Variants in RSBN1 observed in about 807,000 individuals in gnomAD.
The protein encoded by RSBN1 is lysine-specific demethylase 9.
RSBN1 carries 23 observed loss-of-function variants against 74.8 expected under a neutral mutation model. That is an observed-to-expected ratio of 0.31 (90% confidence interval 0.22 to 0.44). The LOEUF is 0.44. Among genes scored for constraint, RSBN1 ranks in the 20% least tolerant of loss-of-function variants. RSBN1 has a pLI of 1.00. For synonymous variants in RSBN1, 407 were observed against 379.6 expected, an observed-to-expected ratio of 1.07 and a Z score of -0.84; for missense variants, 808 against 1,020.9, an observed-to-expected ratio of 0.79 and a Z score of 2.84.
At chr1:113,771,485 T>C (rs1246371600) in intron 4 of RSBN1, among the ~76,000 whole-genome samples, 1 of 149,576 alleles carries the variant, frequency 6.7e-6, no homozygotes, top group Non-Finnish European at 1.5e-5. Flanking sequence ...GAACACAGAG[T>C]TCCAAAAGAT....
chr1:113,767,215 T>C lies in RSBN1; in HGVS notation c.1827-8A>G, dbSNP rs374409363. Reference sequence around the variant, plus strand: ...ATGCGAGGTTGGTCACTCCTAAGATTAACAAAATTAAGTTTCAGAGACAAA... The same window carrying C: ...ATGCGAGGTTGGTCACTCCTAAGATCAACAAAATTAAGTTTCAGAGACAAA... On this transcript the variant is annotated splice_polypyrimidine_tract_variant and splice_region_variant and intron_variant, in intron 5 of 6. Coordinates refer to ENST00000261441, the MANE Select transcript of RSBN1 (RefSeq NM_018364.5). The C allele has an allele frequency of 2.0e-6, 3 of 1,503,384 alleles. No homozygotes were observed. Among genetic ancestry groups the C allele is most frequent in the African/African-American group, 2.8e-5 (2 of 71,496 alleles). The allele number at this position is 1,503,384 out of a possible 1,614,324, so 93.1% of individuals were successfully genotyped here. A position where few individuals can be genotyped will look rare whatever the true frequency, so the allele number is the denominator to read the frequency against.
intron 2 of RSBN1, among the ~76,000 whole-genome samples, chr1:113,792,987 T>C (rs753805661): frequency 2.6e-5 from 4 of 152,202 alleles, no homozygotes; most frequent in Admixed American, 6.5e-5. Context: ...TCTAGAATGT[T>C]AAAAGAAAAC....
intron 2 of RSBN1, among the ~76,000 whole-genome samples, chr1:113,791,623 T>C (rs1660365337): frequency 6.6e-6 from 1 of 152,150 alleles, no homozygotes; most frequent in Admixed American, 6.5e-5. Flanking sequence ...TTCCTAACCT[T>C]GTGCCTTGTG....
intron 1 of RSBN1, among the ~76,000 whole-genome samples, chr1:113,807,773 T>TTA (rs550872269): frequency 0.033 from 4,464 of 133,854 alleles, 89 homozygotes; most frequent in African/African-American, 0.067. Context: ...AAAAAAAAAA[T>TTA]TATATATATA....
chr1:113,809,108 T>C (rs548417259), intron 1 of RSBN1, among the ~76,000 whole-genome samples: 20 of 151,858 alleles, frequency 1.3e-4, no homozygotes, highest in African/African-American at 4.3e-4. Context: ...AGGAAGGACA[T>C]AGCTTTGTAA....
intron 1 of RSBN1, among the ~76,000 whole-genome samples, chr1:113,810,938 G>A (rs1433709504): frequency 6.6e-6 from 1 of 152,104 alleles, no homozygotes; most frequent in Non-Finnish European, 1.5e-5. Flanking sequence ...CATTTAATTG[G>A]ATACTCTGAC....
chr1:113,787,933 T>C (rs1409441124), intron 2 of RSBN1, among the ~76,000 whole-genome samples: 1 of 152,182 alleles, frequency 6.6e-6, no homozygotes, highest in African/African-American at 2.4e-5. Flanking sequence ...ATCACCATGT[T>C]TGATGAAAAC....
chr1:113,785,603 A>C (rs948248964), intron 2 of RSBN1, among the ~76,000 whole-genome samples: 2 of 152,222 alleles, frequency 1.3e-5, no homozygotes, highest in East Asian at 3.8e-4. Flanking sequence ...CAGTCTAGTA[A>C]GGAGAGGCAG....
chr1:113,796,354 T>C (rs143072922), intron 2 of RSBN1: 1 of 152,224 alleles, frequency 6.6e-6, no homozygotes, highest in Non-Finnish European at 1.5e-5. Context: ...AAATCTAAAC[T>C]GGATACTCCC....
At chr1:113,771,836 GTAATCAGAAACTGCAGGA>G (rs1243845687) in intron 4 of RSBN1, among the ~76,000 whole-genome samples, 1 of 149,128 alleles carries the variant, frequency 6.7e-6, no homozygotes, top group African/African-American at 2.4e-5. Context: ...AAAAAGGAGG[GTAATCAGAAACTGCAGGA>G]AAAACAGAAC....
chr1:113,804,482 G>GCAC (rs1275563871), intron 1 of RSBN1, among the ~76,000 whole-genome samples: 2 of 151,990 alleles, frequency 1.3e-5, no homozygotes, highest in African/African-American at 4.8e-5. Context: ...CTAACATACT[G>GCAC]CACCCTACAC....
chr1:113,799,516 AG>A (rs1660538021), intron 1 of RSBN1, among the ~76,000 whole-genome samples: 1 of 152,006 alleles, frequency 6.6e-6, no homozygotes, highest in East Asian at 1.9e-4. Context: ...CCCAGAAAGA[AG>A]AAAAGGACCT....
intron 1 of RSBN1, among the ~76,000 whole-genome samples, chr1:113,808,168 T>C (rs181834506): frequency 4.0e-4 from 61 of 152,262 alleles, no homozygotes; most frequent in Non-Finnish European, 7.5e-4. Flanking sequence ...CCATGGAGGA[T>C]TGGTTCCAGA....
At chr1:113,791,170 G>A (rs1660356885) in intron 2 of RSBN1, among the ~76,000 whole-genome samples, 1 of 152,128 alleles carries the variant, frequency 6.6e-6, no homozygotes, top group Non-Finnish European at 1.5e-5. Flanking sequence ...ACAGTCTTTG[G>A]TAAAATCAGA....
intron 1 of RSBN1, among the ~76,000 whole-genome samples, chr1:113,801,276 C>T (rs1660579738): frequency 6.6e-6 from 1 of 152,172 alleles, no homozygotes; most frequent in Non-Finnish European, 1.5e-5. Context: ...AGCCACGACG[C>T]CCGGCCTCAG....
intron 4 of RSBN1, among the ~76,000 whole-genome samples, chr1:113,769,393 CCTT>C (rs758407405): frequency 6.6e-6 from 1 of 151,886 alleles, no homozygotes; most frequent in Non-Finnish European, 1.5e-5. Context: ...CATGTTATCT[CCTT>C]CTACATTAAA....
intron 2 of RSBN1, among the ~76,000 whole-genome samples, chr1:113,795,525 G>A (rs1660453854): frequency 6.6e-6 from 1 of 152,138 alleles, no homozygotes; most frequent in African/African-American, 2.4e-5. Flanking sequence ...CTTCTCTAAT[G>A]ACTGAAAATT....
At chr1:113,788,679 G>A (rs1660305963) in intron 2 of RSBN1, among the ~76,000 whole-genome samples, 1 of 152,160 alleles carries the variant, frequency 6.6e-6, no homozygotes, top group Non-Finnish European at 1.5e-5. Context: ...AAATGTTACA[G>A]TTAAAGAAAA....
intron 1 of RSBN1, among the ~76,000 whole-genome samples, chr1:113,808,913 C>A (rs1250094098): frequency 3.9e-5 from 6 of 152,024 alleles, no homozygotes; most frequent in Non-Finnish European, 7.4e-5. Flanking sequence ...CATATAACTA[C>A]ATATACATTG....
Sources: gnomAD v4.1 joint callset for allele counts (sites outside exome capture counted in the v4.1 genomes callset) on GRCh38, gnomAD v4.1.1 for gene constraint, MANE v1.5 for transcripts, NCBI Gene and HGNC (gene_info 2026-07-23, HGNC 2026-07-21) for gene names.